Variants in CTNNA2 observed in about 807,000 individuals in gnomAD.
CTNNA2 encodes catenin alpha-2.
Under a neutral mutation model 101.0 loss-of-function variants are expected in CTNNA2, and 42 were observed. The observed-to-expected ratio is 0.42, with a 90% CI of 0.32 to 0.54. The LOEUF (loss-of-function observed/expected upper bound fraction) is 0.54. CTNNA2 is among the 20% of genes least tolerant of loss of function. The probability of loss-of-function intolerance (pLI) is 0.14; values close to 1 mark genes in which losing one functional copy is unlikely to be tolerated. For synonymous variants in CTNNA2, 450 were observed against 456.4 expected (o/e 0.99, Z 0.18); for missense variants, 871 against 1,223.1 (o/e 0.71, Z 4.29).
intron 7 of CTNNA2, among the ~76,000 whole-genome samples, chr2:80,033,942 T>C (rs747084802): frequency 1.1e-4 from 11 of 100,696 alleles, no homozygotes; most frequent in African/African-American, 1.5e-4. Flanking sequence ...CACACCAGCA[T>C]AGATTACAAA....
At chr2:80,553,091 G>T (rs1692719503) in intron 11 of CTNNA2, among the ~76,000 whole-genome samples, 1 of 151,272 alleles carries the variant, frequency 6.6e-6, no homozygotes, top group Admixed American at 6.6e-5. Flanking sequence ...AGGTGTGATG[G>T]TGCATGCCTG....
chr2:80,562,387 T>A (rs571649747), intron 12 of CTNNA2, among the ~76,000 whole-genome samples: 1 of 152,226 alleles, frequency 6.6e-6, no homozygotes, highest in African/African-American at 2.4e-5. Flanking sequence ...AACTCTCTCA[T>A]AAGATAAATG....
chr2:79,359,005 C>T (rs1677568464), intron 3 of CTNNA2, among the ~76,000 whole-genome samples: 1 of 152,128 alleles, frequency 6.6e-6, no homozygotes, highest in South Asian at 2.1e-4. Flanking sequence ...CTGTAGGCCA[C>T]AGTTACACCT....
intron 9 of CTNNA2, among the ~76,000 whole-genome samples, chr2:80,455,042 A>G (rs980790689): frequency 2.0e-5 from 3 of 151,936 alleles, no homozygotes; most frequent in Non-Finnish European, 4.4e-5. Context: ...ATGACAGCAG[A>G]ACTTGGACCA....
intron 9 of CTNNA2, among the ~76,000 whole-genome samples, chr2:80,427,174 C>T (rs1265761652): frequency 2.6e-5 from 4 of 152,092 alleles, no homozygotes; most frequent in Non-Finnish European, 5.9e-5. Flanking sequence ...ATGTTGCCAG[C>T]TTTTGGGCCC....
chr2:79,585,784 C>T (rs914816955), intron 1 of CTNNA2, among the ~76,000 whole-genome samples: 1 of 151,762 alleles, frequency 6.6e-6, no homozygotes, highest in African/African-American at 2.4e-5. Context: ...TCTCCTCCTG[C>T]CTCTGGTCTA....
intron 4 of CTNNA2, among the ~76,000 whole-genome samples, chr2:79,447,116 G>A (rs1678841613): frequency 6.6e-6 from 1 of 152,014 alleles, no homozygotes; most frequent in African/African-American, 2.4e-5. Context: ...TTGACAAGGA[G>A]TTAGGAGCCC....
At position 79,779,133 on chromosome 2, in the gene CTNNA2, G is replaced by GTT. The variant is rs5832408; in HGVS notation, c.298+34562_298+34563dup. On this transcript the variant is annotated intron_variant, in intron 3 of 18. Transcript: ENST00000402739. ...CATTTACAGCTGAAATTCTGTTGTTGTTTTTTTTTTTTCCATTTGTGTGTC... is the reference window on the plus strand; with the variant it reads ...CATTTACAGCTGAAATTCTGTTGTTGTTTTTTTTTTTTTTCCATTTGTGTGTC... 2.7e-5 allele frequency among the ~76,000 whole-genome samples: 4 copies of GTT among 147,126 alleles called. 1 individual carries two copies. Among genetic ancestry groups the GTT allele is most frequent in the African/African-American group, 7.4e-5 (3 of 40,646 alleles).
At chr2:80,626,820 C>G (rs1175023306) in intron 18 of CTNNA2, among the ~76,000 whole-genome samples, 1 of 151,902 alleles carries the variant, frequency 6.6e-6, no homozygotes, top group Non-Finnish European at 1.5e-5. Context: ...ACCCATCAAC[C>G]TGTCATCTAC....
At chr2:80,047,712 A>G (rs1331252300) in intron 7 of CTNNA2, among the ~76,000 whole-genome samples, 1 of 152,190 alleles carries the variant, frequency 6.6e-6, no homozygotes, top group African/African-American at 2.4e-5. Context: ...CAGATTTGCT[A>G]CCCACAGGGG....
At position 79,644,195 on chromosome 2, in the gene CTNNA2, AC is replaced by A. The variant is rs1680644159; in HGVS notation, c.-5-7355del. Among the ~76,000 whole-genome samples, 6 of 151,784 alleles carry A rather than the reference AC, an allele frequency of 4.0e-5. No homozygotes were observed. In the South Asian group the frequency reaches 1.0e-3, roughly 26 times the overall value. ...TGGGATCACAGGTGGCCACCACCAC[AC>A]CTAGCTAATTTTTTTGTATCTTTAG... On this transcript the variant is annotated intron_variant, in intron 1 of 18. Coordinates refer to ENST00000402739, the MANE Select transcript of CTNNA2 (RefSeq NM_001282597.3).
At chr2:79,312,891 C>T (rs1019067674) in intron 3 of CTNNA2, 5 of 152,192 alleles carry the variant, frequency 3.3e-5, no homozygotes, top group Non-Finnish European at 7.3e-5. Context: ...GAAATGAGTT[C>T]CTTTTTTTCT....
chr2:80,463,314 G>T (rs1051870992), intron 9 of CTNNA2, among the ~76,000 whole-genome samples: 1 of 152,170 alleles, frequency 6.6e-6, no homozygotes, highest in Non-Finnish European at 1.5e-5. Flanking sequence ...CTTAATAGTC[G>T]CCAGCACTAC....
Position 80,089,833 on chromosome 2 carries a change from T to C in CTNNA2, c.1056+180036T>C, listed in dbSNP as rs563286708. Among the ~76,000 whole-genome samples the C allele has an allele frequency of 2.0e-5, 3 of 152,134 alleles. No homozygotes were observed. In the East Asian group the frequency reaches 5.8e-4, roughly 30 times the overall value. ...GCCAGCAGCTACAAACTTTACCAAA[T>C]GAACAAAGAAATTATTTTGTGTCAA... is the stretch of plus-strand genomic sequence containing the variant. On this transcript the variant is annotated intron_variant, in intron 7 of 18. Coordinates refer to ENST00000402739, the MANE Select transcript of CTNNA2 (RefSeq NM_001282597.3).
intron 5 of CTNNA2, among the ~76,000 whole-genome samples, chr2:79,505,623 T>C (rs941305909): frequency 6.6e-6 from 1 of 152,146 alleles, no homozygotes; most frequent in Non-Finnish European, 1.5e-5. Context: ...TCTCAACCAA[T>C]GCCTGTGGAA....
At chr2:79,583,097 C>A (rs192235563) in intron 1 of CTNNA2, among the ~76,000 whole-genome samples, 1 of 151,856 alleles carries the variant, frequency 6.6e-6, no homozygotes, top group African/African-American at 2.4e-5. Flanking sequence ...ATTATTCTAC[C>A]ACATGGTTGT....
intron 7 of CTNNA2, chr2:80,298,548 T>A (rs1426874998): frequency 1.3e-5 from 2 of 152,160 alleles, no homozygotes; most frequent in Non-Finnish European, 2.9e-5. Context: ...TGGCCCCTAA[T>A]CCTACCAGAG....
intron 8 of CTNNA2, among the ~76,000 whole-genome samples, chr2:80,408,365 C>G (rs1048369363): frequency 3.9e-5 from 6 of 152,180 alleles, no homozygotes; most frequent in African/African-American, 7.2e-5. Context: ...GAGCTCGTCT[C>G]TATATCTTGC....
intron 18 of CTNNA2, among the ~76,000 whole-genome samples, chr2:80,636,367 C>CAGTT (rs2149842371): frequency 6.6e-6 from 1 of 152,166 alleles, no homozygotes; most frequent in African/African-American, 2.4e-5. Flanking sequence ...TAGCAAAATA[C>CAGTT]AGTTAAAGAT....
Sources: gnomAD v4.1 joint callset for allele counts (sites outside exome capture counted in the v4.1 genomes callset) on GRCh38, gnomAD v4.1.1 for gene constraint, MANE v1.5 for transcripts, NCBI Gene and HGNC (gene_info 2026-07-23, HGNC 2026-07-21) for gene names.